PLAC1: variants seen among roughly 807,000 people sequenced by gnomAD.
The protein encoded by PLAC1 is placenta-specific protein 1.
For synonymous variants in PLAC1, 68 were observed against 62.1 expected (o/e 1.09, Z -0.44); for missense variants, 136 against 163.2 (o/e 0.83, Z 0.91).
At chrX:134,748,629 A>G (rs1038576162) in intron 1 of PLAC1, among the ~76,000 whole-genome samples, 22 of 112,341 alleles carry the variant, frequency 2.0e-4, no homozygotes, top group African/African-American at 6.8e-4. Flanking sequence ...TTCTACTTTC[A>G]GCAGTTTTAT....
intron 2 of PLAC1, among the ~76,000 whole-genome samples, chrX:134,668,879 A>G (rs193291511): frequency 1.8e-5 from 2 of 112,837 alleles, no homozygotes; most frequent in African/African-American, 6.4e-5. Flanking sequence ...GAGCAAGTAC[A>G]TTGTGGTCTT....
At chrX:134,645,173 T>C (rs1242218217) in intron 1 of PLAC1, among the ~76,000 whole-genome samples, 1 of 111,272 alleles carries the variant, frequency 9.0e-6, no homozygotes, top group Admixed American at 9.5e-5. Context: ...AGTACCTTTG[T>C]TTAATTCAGC....
In PLAC1 at chrX:134,632,185, C is replaced by T. The variant is rs980233487; in HGVS notation, c.-131+26143G>A. ...GCATGAGCTCCCTGGGGACTTAGCACAGCCGGCACAGAGACAGCTGGGCAA... is the reference window on the plus strand; with the variant it reads ...GCATGAGCTCCCTGGGGACTTAGCATAGCCGGCACAGAGACAGCTGGGCAA... On this transcript the variant is annotated intron_variant, in intron 1 of 2. Transcript: ENST00000359237. Among the ~76,000 whole-genome samples the T allele has an allele frequency of 2.7e-5, 3 of 111,619 alleles. No homozygotes were observed. The Admixed American group carries it at 2.8e-4, about 11-fold the overall frequency.
intron 2 of PLAC1, among the ~76,000 whole-genome samples, chrX:134,568,417 G>A (rs1312276524): frequency 8.9e-6 from 1 of 112,416 alleles, no homozygotes; most frequent in Admixed American, 9.4e-5. Context: ...GGAAACCATG[G>A]CACAGGAGCC....
chrX:134,625,664 G>A (rs1028449023), intron 1 of PLAC1, among the ~76,000 whole-genome samples: 4 of 111,708 alleles, frequency 3.6e-5, no homozygotes, highest in Non-Finnish European at 5.6e-5. Flanking sequence ...GGGAAAGAAC[G>A]GAAGTTGTTG....
At chrX:134,594,033 G>A (rs1268155645) in intron 2 of PLAC1, among the ~76,000 whole-genome samples, 1 of 111,259 alleles carries the variant, frequency 9.0e-6, no homozygotes, top group Non-Finnish European at 1.9e-5. Flanking sequence ...AATGTTAGTT[G>A]TAGGGGTTTT....
intron 2 of PLAC1, among the ~76,000 whole-genome samples, chrX:134,680,160 A>G (rs1052903451): frequency 8.9e-5 from 10 of 112,045 alleles, no homozygotes; most frequent in Non-Finnish European, 1.9e-5. Flanking sequence ...CCTAACACTC[A>G]CAGAGCACCA....
intron 1 of PLAC1, among the ~76,000 whole-genome samples, chrX:134,752,560 T>C (rs2078747304): frequency 9.0e-6 from 1 of 111,487 alleles, no homozygotes; most frequent in Non-Finnish European, 1.9e-5. Flanking sequence ...AACAGACACA[T>C]TGCTCTGCTG....
intron 1 of PLAC1, among the ~76,000 whole-genome samples, chrX:134,634,746 C>T (rs1247238544): frequency 8.9e-6 from 1 of 112,209 alleles, no homozygotes; most frequent in Non-Finnish European, 1.9e-5. Context: ...GGATATACTA[C>T]ATTTTGTTTA....
intron 2 of PLAC1, among the ~76,000 whole-genome samples, chrX:134,684,763 T>C (rs1010385529): frequency 8.9e-6 from 1 of 112,169 alleles, no homozygotes; most frequent in Non-Finnish European, 1.9e-5. Context: ...ACATGACTGG[T>C]CTAGGATTTC....
chrX:134,582,218 A>G (rs1332295283), intron 2 of PLAC1, among the ~76,000 whole-genome samples: 1 of 112,363 alleles, frequency 8.9e-6, no homozygotes, highest in Admixed American at 9.4e-5. Context: ...GAAACTAGGG[A>G]GCAAAGAGCT....
intron 1 of PLAC1, among the ~76,000 whole-genome samples, chrX:134,603,001 C>T (rs1434256601): frequency 1.9e-5 from 2 of 106,306 alleles, no homozygotes; most frequent in African/African-American, 3.4e-5. Context: ...ATATTGCTAT[C>T]AACCATGGGG....
chrX:134,689,738 T>A (rs943971977), intron 2 of PLAC1, among the ~76,000 whole-genome samples: 2 of 112,011 alleles, frequency 1.8e-5, no homozygotes, highest in African/African-American at 6.5e-5. Context: ...CAAACTACAA[T>A]CATTTCTCAA....
chrX:134,756,315 C>T (rs901807235), intron 1 of PLAC1, among the ~76,000 whole-genome samples: 17 of 108,607 alleles, frequency 1.6e-4, no homozygotes, highest in South Asian at 3.9e-4. Context: ...AGAAATTAAT[C>T]GACGTTTTCT....
At chrX:134,677,546 C>G (rs774805208) in intron 2 of PLAC1, among the ~76,000 whole-genome samples, 2 of 110,855 alleles carry the variant, frequency 1.8e-5, no homozygotes, top group South Asian at 8.0e-4. Context: ...CCTAGAGGAA[C>G]AGCTGGTGCA....
intron 1 of PLAC1, among the ~76,000 whole-genome samples, chrX:134,762,878 G>A (rs1454606687): frequency 9.7e-6 from 1 of 103,075 alleles, no homozygotes; most frequent in East Asian, 3.0e-4. Flanking sequence ...AAGATAATTT[G>A]GTACACAAAT....
chrX:134,576,195 T>C (rs1478806141), intron 2 of PLAC1, among the ~76,000 whole-genome samples: 2 of 108,408 alleles, frequency 1.8e-5, no homozygotes, highest in Non-Finnish European at 3.8e-5. Context: ...ATTCTATATC[T>C]ATATATTCTA....
In PLAC1 at chrX:134,672,256, A is replaced by G. The variant is rs774431935; in HGVS notation, n.174+61179T>C. On this transcript the variant is annotated intron_variant and non_coding_transcript_variant, in intron 2 of 2. Transcript: ENST00000466797. ...GAACTGTACAGGGGATTCCAGGATCATTAGATAACCTCGCAGGGTCCCCTG... is the reference window on the plus strand; with the variant it reads ...GAACTGTACAGGGGATTCCAGGATCGTTAGATAACCTCGCAGGGTCCCCTG... 1.1e-4 allele frequency among the ~76,000 whole-genome samples: 12 copies of G among 111,771 alleles called. No homozygotes were observed. In the South Asian group the frequency reaches 4.6e-3, roughly 43 times the overall value.
intron 1 of PLAC1, among the ~76,000 whole-genome samples, chrX:134,641,346 G>A (rs1420550366): frequency 2.7e-5 from 3 of 112,398 alleles, no homozygotes; most frequent in Non-Finnish European, 5.6e-5. Context: ...GCACCACCAT[G>A]AGCCTGCATG....
Sources: gnomAD v4.1 joint callset for allele counts (sites outside exome capture counted in the v4.1 genomes callset) on GRCh38, gnomAD v4.1.1 for gene constraint, MANE v1.5 for transcripts, NCBI Gene and HGNC (gene_info 2026-07-23, HGNC 2026-07-21) for gene names.